The following CLIC5 variants were observed in gnomAD, a reference collection of about 807,000 sequenced individuals.
CLIC5 encodes CLIC family member 5, also known as chloride intracellular channel protein 5.
Under a neutral mutation model 24.7 loss-of-function variants are expected in CLIC5, and 20 were observed. That is an observed-to-expected ratio of 0.81 (90% CI 0.57 to 1.18). The LOEUF (loss-of-function observed/expected upper bound fraction) is 1.18. Among genes scored for constraint, CLIC5 ranks in the 50% most tolerant of loss-of-function variants. The pLI is 0.00. For missense variants in CLIC5, 341 were observed against 326.1 expected, an observed-to-expected ratio of 1.05 and a Z score of -0.35; for synonymous variants, 159 against 135.6, an observed-to-expected ratio of 1.17 and a Z score of -1.20.
chr6:46,055,092 TTTTC>T (rs543616293), intron 1 of CLIC5, among the ~76,000 whole-genome samples: 23 of 152,124 alleles, frequency 1.5e-4, no homozygotes, highest in South Asian at 2.1e-4. Flanking sequence ...TTGTCAGTTC[TTTTC>T]TTTCTTTCTT....
At chr6:45,917,179 C>T (rs1763065064) in intron 4 of CLIC5, among the ~76,000 whole-genome samples, 1 of 152,144 alleles carries the variant, frequency 6.6e-6, no homozygotes, top group South Asian at 2.1e-4. Context: ...TACATGTGAC[C>T]TTGGACAAGT....
the CLIC5 span, among the ~76,000 whole-genome samples, chr6:46,118,259 C>A: frequency 1.3e-5 from 2 of 152,218 alleles, no homozygotes; most frequent in Non-Finnish European, 2.9e-5. Flanking sequence ...AACTCTGAAA[C>A]TAAATGGTAA....
intron 4 of CLIC5, among the ~76,000 whole-genome samples, chr6:45,929,812 ACT>A (rs1380957108): frequency 1.3e-5 from 2 of 152,198 alleles, no homozygotes; most frequent in East Asian, 1.9e-4. Flanking sequence ...CACCTAAGTG[ACT>A]CTGTTTCTGA....
At chr6:46,108,368 T>TTGTGTGTGTG in the CLIC5 span, among the ~76,000 whole-genome samples, 28 of 142,642 alleles carry the variant, frequency 2.0e-4, no homozygotes, top group South Asian at 4.6e-4. Context: ...TATCGGGTCT[T>TTGTGTGTGTG]TGTGTGTGTG....
At chr6:46,019,504 G>A (rs910735877), upstream of CLIC5, among the ~76,000 whole-genome samples, 5 of 151,082 alleles carry the variant, frequency 3.3e-5, no homozygotes, top group African/African-American at 4.9e-5. Flanking sequence ...GGCTAACAAG[G>A]TGAAACCCCG....
In CLIC5 at chr6:45,903,014, G is replaced by A. The variant is rs1321139747; in HGVS notation, c.*74C>T. 7.2e-6 allele frequency: 11 copies of A among 1,523,132 alleles called. No homozygotes were observed. The highest frequency in any genetic ancestry group is 9.1e-6 in the Non-Finnish European group (10 of 1,103,422). 94.4% of individuals were successfully genotyped at this position (1,523,132 alleles called of 1,614,324 possible). A position where few individuals can be genotyped will look rare whatever the true frequency, so the allele number is the denominator to read the frequency against. On this transcript the variant is annotated 3_prime_UTR_variant, in exon 6 of 6. Transcript: ENST00000339561. ...GTGCGCCTCAAGGCAGTGATACAGA[G>A]GAGTCTATGAAGCTGGAGTCTTAGG...
intron 1 of CLIC5, among the ~76,000 whole-genome samples, chr6:45,958,425 TATATATA>T (rs1764720668): frequency 3.9e-4 from 2 of 5,120 alleles, no homozygotes; most frequent in East Asian, 3.5e-3. Context: ...AAGACAATTA[TATATATA>T]TATATATATA....
chr6:45,906,843 T>C (rs1762675367), intron 5 of CLIC5, among the ~76,000 whole-genome samples: 2 of 152,222 alleles, frequency 1.3e-5, no homozygotes, highest in Non-Finnish European at 2.9e-5. Flanking sequence ...ATTACAGGCA[T>C]GAGCCACTGT....
intron 2 of CLIC5, among the ~76,000 whole-genome samples, chr6:45,950,293 G>A (rs1216143848): frequency 1.3e-5 from 2 of 152,062 alleles, no homozygotes; most frequent in Non-Finnish European, 2.9e-5. Flanking sequence ...AGCTACAGTG[G>A]CTCATGCCTG....
chr6:46,080,484 G>T (rs1384133936), upstream of CLIC5: 1 of 466,978 alleles, frequency 2.1e-6, no homozygotes, highest in Non-Finnish European at 3.8e-6. Flanking sequence ...CACTCCTAAA[G>T]ATATTTTTAT....
chr6:46,075,152 A>G (rs547146898), intron 1 of CLIC5, among the ~76,000 whole-genome samples: 24 of 152,342 alleles, frequency 1.6e-4, no homozygotes, highest in Middle Eastern at 3.4e-3. Flanking sequence ...TAATAACCCT[A>G]TGAGGAAGGT....
At chr6:45,911,591 A>T (rs962920280) in intron 5 of CLIC5, 3 of 984,690 alleles carry the variant, frequency 3.0e-6, no homozygotes, top group Non-Finnish European at 3.6e-6. Flanking sequence ...TATTTTTCAC[A>T]GTGACACACT....
chr6:45,905,368 A>T (rs1047153228), intron 5 of CLIC5, among the ~76,000 whole-genome samples: 3 of 152,082 alleles, frequency 2.0e-5, no homozygotes, highest in Non-Finnish European at 4.4e-5. Context: ...TCCACAGACT[A>T]ACCAACATCT....
At chr6:46,109,450 C>G in the CLIC5 span, among the ~76,000 whole-genome samples, 4 of 127,316 alleles carry the variant, frequency 3.1e-5, no homozygotes, top group African/African-American at 1.2e-4. Context: ...GAGGCCGAGG[C>G]GGGTGCATCA....
chr6:45,912,008 A>G, intron 5 of CLIC5: 1 of 985,658 alleles, frequency 1.0e-6, no homozygotes, highest in East Asian at 1.1e-4. Flanking sequence ...CGAGCCACGC[A>G]AGAGGAGAGT....
At chr6:45,932,489 C>G (rs182629028) in intron 4 of CLIC5, among the ~76,000 whole-genome samples, 1 of 152,198 alleles carries the variant, frequency 6.6e-6, no homozygotes, top group Non-Finnish European at 1.5e-5. Flanking sequence ...TTGCTTAATA[C>G]GTTTACTTTA....
intron 3 of CLIC5, among the ~76,000 whole-genome samples, chr6:45,942,729 T>C (rs920645241): frequency 6.6e-6 from 1 of 152,236 alleles, no homozygotes; most frequent in African/African-American, 2.4e-5. Flanking sequence ...TTTTTGTTAC[T>C]CAACTGGCCC....
At chr6:46,124,714 T>G in the CLIC5 span, among the ~76,000 whole-genome samples, 1 of 152,042 alleles carries the variant, frequency 6.6e-6, no homozygotes, top group East Asian at 1.9e-4. Context: ...TACAAAGAAC[T>G]CAAACAAATT....
At chr6:46,126,926 T>C in the CLIC5 span, among the ~76,000 whole-genome samples, 275 of 152,322 alleles carry the variant, frequency 1.8e-3, 1 homozygote, top group African/African-American at 6.2e-3. Flanking sequence ...TAGAGAGCTA[T>C]GTCTTAAATT....
Sources: gnomAD v4.1 joint callset for allele counts (sites outside exome capture counted in the v4.1 genomes callset) on GRCh38, gnomAD v4.1.1 for gene constraint, MANE v1.5 for transcripts, NCBI Gene and HGNC (gene_info 2026-07-23, HGNC 2026-07-21) for gene names.